LAMA2: variants seen among roughly 807,000 people sequenced by gnomAD.
LAMA2 encodes laminin subunit alpha 2.
LAMA2 carries 269 observed loss-of-function variants against 364.8 expected under a neutral mutation model. The ratio of observed to expected loss-of-function variants is 0.74; its 90% CI spans 0.67 to 0.82. The LOEUF (loss-of-function observed/expected upper bound fraction) is 0.82, where lower values mean the gene tolerates loss of function less well. Among genes scored for constraint, LAMA2 ranks in the 40% least tolerant of loss-of-function variants. LAMA2 has a pLI of 0.00. For missense variants in LAMA2, 3,807 were observed against 3,873.2 expected, an observed-to-expected ratio of 0.98 and a Z score of 0.45; for synonymous variants, 1,379 against 1,370.6, an observed-to-expected ratio of 1.01 and a Z score of -0.14.
chr6:128,949,080 A>G (rs1450170962), intron 1 of LAMA2, among the ~76,000 whole-genome samples: 2 of 152,198 alleles, frequency 1.3e-5, no homozygotes, highest in East Asian at 3.8e-4. Context: ...TTTATGAGTA[A>G]TAATTAAGCT....
At chr6:128,988,558 A>G (rs1783415038) in intron 1 of LAMA2, among the ~76,000 whole-genome samples, 1 of 152,224 alleles carries the variant, frequency 6.6e-6, no homozygotes, top group Non-Finnish European at 1.5e-5. Context: ...GAAGGATTCA[A>G]AGAGAGGAAG....
chr6:128,968,134 AGTGGCT>A (rs1443790698), intron 1 of LAMA2, among the ~76,000 whole-genome samples: 1 of 152,210 alleles, frequency 6.6e-6, no homozygotes, highest in Non-Finnish European at 1.5e-5. Flanking sequence ...TCTGGTGAGC[AGTGGCT>A]GTGGCTCTGC....
At chr6:129,060,288 A>G (rs906031370) in intron 3 of LAMA2, among the ~76,000 whole-genome samples, 1 of 152,246 alleles carries the variant, frequency 6.6e-6, no homozygotes, top group Non-Finnish European at 1.5e-5. Context: ...GTTCTTGGAT[A>G]ACAAGGCTCT....
intron 15 of LAMA2, 118 bp from the exon 16 acceptor site, chr6:129,266,988 G>T (rs1044063511): frequency 6.5e-6 from 5 of 771,552 alleles, no homozygotes; most frequent in Admixed American, 5.1e-5. Flanking sequence ...GCTTTGACAA[G>T]CACATTTGAT....
At chr6:128,911,011 C>A (rs1350371354) in intron 1 of LAMA2, among the ~76,000 whole-genome samples, 1 of 151,002 alleles carries the variant, frequency 6.6e-6, no homozygotes, top group East Asian at 1.9e-4. Flanking sequence ...TCTCCAGCTG[C>A]GTACTGGGAG....
chr6:129,007,778 A>T (rs1582861556), intron 1 of LAMA2, among the ~76,000 whole-genome samples: 1 of 152,306 alleles, frequency 6.6e-6, no homozygotes, highest in East Asian at 1.9e-4. Context: ...GCTGTTATAC[A>T]TTGAGCATAC....
chr6:129,330,058 C>G (rs1775539582), intron 29 of LAMA2, among the ~76,000 whole-genome samples: 1 of 151,536 alleles, frequency 6.6e-6, no homozygotes, highest in Non-Finnish European at 1.5e-5. Context: ...AATGATCTGT[C>G]ACTGTCTCCC....
intron 12 of LAMA2, among the ~76,000 whole-genome samples, chr6:129,201,441 A>G (rs1782279056): frequency 6.6e-6 from 1 of 152,202 alleles, no homozygotes; most frequent in Admixed American, 6.5e-5. Flanking sequence ...CCTAAGGCTA[A>G]TGAAAGAATC....
At chr6:129,154,000 A>G (rs546842735) in intron 7 of LAMA2, among the ~76,000 whole-genome samples, 296 of 152,362 alleles carry the variant, frequency 1.9e-3, no homozygotes, top group African/African-American at 6.5e-3. Flanking sequence ...AGCTTAATTT[A>G]TATGTTTTAA....
intron 3 of LAMA2, among the ~76,000 whole-genome samples, chr6:129,086,266 C>T (rs1192280865): frequency 2.0e-5 from 3 of 152,164 alleles, no homozygotes; most frequent in Non-Finnish European, 4.4e-5. Flanking sequence ...CCATTAGGTA[C>T]GTGCAGAGGT....
intron 38 of LAMA2, 37 bp downstream of exon 38, chr6:129,401,377 T>C: frequency 2.4e-6 from 3 of 1,256,902 alleles, no homozygotes; most frequent in East Asian, 4.6e-5. Flanking sequence ...GAGATGATAA[T>C]GAATAAATGG....
intron 1 of LAMA2, among the ~76,000 whole-genome samples, chr6:128,974,921 G>C (rs1451701214): frequency 6.7e-6 from 1 of 149,200 alleles, no homozygotes; most frequent in Non-Finnish European, 1.5e-5. Flanking sequence ...GCACGATCTT[G>C]GTTCACTGCA....
intron 52 of LAMA2, among the ~76,000 whole-genome samples, chr6:129,473,745 A>G (rs1206202817): frequency 6.6e-6 from 1 of 152,064 alleles, no homozygotes; most frequent in Non-Finnish European, 1.5e-5. Flanking sequence ...TGCTATGAGT[A>G]TAACCTATTT....
chr6:129,149,180 G>A, intron 7 of LAMA2, 84 bp downstream of exon 7: 1 of 851,406 alleles, frequency 1.2e-6, no homozygotes. Flanking sequence ...GAAATGGCTG[G>A]TTATGCAAAT....
intron 1 of LAMA2, among the ~76,000 whole-genome samples, chr6:128,998,014 T>C (rs1162680413): frequency 2.0e-5 from 3 of 151,966 alleles, no homozygotes; most frequent in Non-Finnish European, 4.4e-5. Context: ...CCTGAGTTAT[T>C]ATAACAGAGT....
chr6:128,913,339 C>G (rs1281167008), intron 1 of LAMA2, among the ~76,000 whole-genome samples: 1 of 152,004 alleles, frequency 6.6e-6, no homozygotes, highest in Non-Finnish European at 1.5e-5. Flanking sequence ...TTGATATAAC[C>G]AATCATTATA....
At chr6:129,269,629 C>G (rs774890003) in intron 16 of LAMA2, among the ~76,000 whole-genome samples, 2 of 151,776 alleles carry the variant, frequency 1.3e-5, no homozygotes, top group South Asian at 4.1e-4. Flanking sequence ...TTTTAAAACC[C>G]TTAAGTATTT....
Position 129,393,103 on chromosome 6 carries a change from A to T in LAMA2, c.5293A>T (p.Asn1765Tyr), listed in dbSNP as rs768131220. The T allele has an allele frequency of 1.9e-6, 3 of 1,614,082 alleles. No individual in the cohort carries two copies. The highest frequency in any genetic ancestry group is 2.7e-5 in the African/African-American group (2 of 75,050). Residue 1765 changes from asparagine (N) to tyrosine (Y), a missense_variant, in exon 37 of 65, where the codon AAT (asparagine) becomes TAT (tyrosine). Transcript: ENST00000421865. ...GCTGTTTGGAGAGTCCCGGGGGGAA[A>T]ATGAAGAAATGGAGAAGGATCTCCG... ...KKLFGESRGE[N>Y]EEMEKDLREK...
Position 129,492,026 on chromosome 6 carries a change from G to GA in LAMA2, c.8027dup (p.Asn2676LysfsTer6). ...CCTGAATTTCAACCTTCCCCACTCA[G>GA]AAATATTCCTCCTTTTGAAGGCTGC... On this transcript the variant is annotated frameshift_variant, in exon 57 of 65. Transcript: ENST00000421865. LOFTEE classifies it high-confidence loss of function. The GA allele has an allele frequency of 6.2e-7, 1 of 1,614,088 alleles. No individual in the cohort carries two copies. Among genetic ancestry groups the GA allele is most frequent in the Non-Finnish European group, 8.5e-7 (1 of 1,179,982 alleles).
Sources: gnomAD v4.1 joint callset for allele counts (sites outside exome capture counted in the v4.1 genomes callset) on GRCh38, gnomAD v4.1.1 for gene constraint, MANE v1.5 for transcripts, NCBI Gene and HGNC (gene_info 2026-07-23, HGNC 2026-07-21) for gene names.